Variants in ARHGAP45 observed in about 807,000 individuals in gnomAD.
ARHGAP45 encodes the protein rho GTPase-activating protein 45.
Under a neutral mutation model 116.1 loss-of-function variants are expected in ARHGAP45, and 56 were observed. That is an observed-to-expected ratio of 0.48 (90% CI 0.39 to 0.60). ARHGAP45 has a LOEUF of 0.60. ARHGAP45 is among the 20% of genes least tolerant of loss of function. The probability of loss-of-function intolerance (pLI) is 0.00; values close to 1 mark genes in which losing one functional copy is unlikely to be tolerated. For missense variants in ARHGAP45, 1,622 were observed against 1,601.0 expected, an observed-to-expected ratio of 1.01 and a Z score of -0.22; for synonymous variants, 866 against 701.7, an observed-to-expected ratio of 1.23 and a Z score of -3.70.
At chr19:1,066,028 G>A (rs2043023364), upstream of ARHGAP45, 1 of 1,535,516 alleles carries the variant, frequency 6.5e-7, no homozygotes, top group Non-Finnish European at 8.7e-7. Flanking sequence ...TCAGCGCCAT[G>A]AGTCGGGGGC....
Position 1,079,559 on chromosome 19 carries a change from G to C in ARHGAP45, c.1375-144G>C, listed in dbSNP as rs1275228141. On this transcript the variant is annotated intron_variant, in intron 11 of 22. Coordinates refer to ENST00000313093, the MANE Select transcript of ARHGAP45 (RefSeq NM_012292.5). Reference sequence around the variant, plus strand: ...TCACCATGTTGCTCAGGCTGGTCTCGAACTCCTGGCCTCAAGCAAGTCTCC... The same window carrying C: ...TCACCATGTTGCTCAGGCTGGTCTCCAACTCCTGGCCTCAAGCAAGTCTCC... 3 of 929,874 alleles carry C rather than the reference G, an allele frequency of 3.2e-6. 1 individual carries two copies. Among genetic ancestry groups the C allele is most frequent in the Admixed American group, 5.1e-5 (2 of 38,962 alleles). 57.6% of individuals were successfully genotyped at this position (929,874 alleles called of 1,614,324 possible).
Position 1,081,666 on chromosome 19 carries a change from C to G in ARHGAP45, c.2307C>G (p.Ser769Arg). 2.5e-6 allele frequency: 4 copies of G among 1,582,830 alleles called. No individual in the cohort carries two copies. Among genetic ancestry groups the G allele is most frequent in the South Asian group, 1.1e-5 (1 of 87,514 alleles). ...FGQDFSHAAR[S>R]APDGVPFIVK... ...AGGACTTCAGCCACGCGGCCCGCAG[C>G]GCCCCCGACGGCGTGCCCTTCATCG... Residue 769 changes from serine to arginine, a missense_variant, in exon 18 of 23, where the codon AGC becomes AGG. Coordinates refer to ENST00000313093, the MANE Select transcript of ARHGAP45 (RefSeq NM_012292.5).
Position 1,083,186 on chromosome 19 carries a change from C to A in ARHGAP45, c.2788C>A (p.Leu930Met). Reference protein sequence around the residue: ...EQDNKMTPGNLGIVFGPTLLR... With the variant: ...EQDNKMTPGNMGIVFGPTLLR... ...GGACAACAAGATGACCCCCGGGAAC[C>A]TGGGCATCGTGTTCGGGCCCACGCT... is the stretch of plus-strand genomic sequence containing the variant. Residue 930 changes from leucine to methionine, a missense_variant, in exon 21 of 23, where the codon CTG (leucine) becomes ATG (methionine). This residue lies in a region of ARHGAP45 where 1,334 missense variants were observed against 1,263.8 expected (regional missense o/e 1.06). Coordinates refer to ENST00000313093, the MANE Select transcript of ARHGAP45 (RefSeq NM_012292.5). 6.2e-7 allele frequency: 1 copy of A among 1,611,340 alleles called. No homozygotes were observed. Among genetic ancestry groups the A allele is most frequent in the Non-Finnish European group, 8.5e-7 (1 of 1,179,526 alleles).
intron 10 of ARHGAP45, among the ~76,000 whole-genome samples, chr19:1,075,714 A>G (rs1438936791): frequency 6.6e-6 from 1 of 152,148 alleles, no homozygotes; most frequent in Non-Finnish European, 1.5e-5. Context: ...CTTGGGCTGC[A>G]ATGATCCTCC....
intron 22 of ARHGAP45, 65 bp from the exon 23 acceptor site, chr19:1,085,572 TCTCCCCATCTCTCCTGTCTGTCC>T (rs1417002803): frequency 2.5e-6 from 2 of 799,554 alleles, no homozygotes; most frequent in Middle Eastern, 2.7e-4. Context: ...CTCTCCTGTC[TCTCCCCATCTCTCCTGTCTGTCC>T]CTCCCCTTGT....
rs1260183859 is a variant in ARHGAP45, at chr19:1,068,770, C to G, written c.421+26C>G. On this transcript the variant is annotated intron_variant, in intron 2 of 22. Coordinates refer to ENST00000313093, the MANE Select transcript of ARHGAP45 (RefSeq NM_012292.5). This position sits in a 1 kb window ranked among gnomAD's most constrained non-coding sequence, Gnocchi z 7.5. ...GTGAGAGCCACGGGGACACCGAGGC[C>G]TGGGTGGAAGACAGAGCCAGACCCA... The G allele has an allele frequency of 1.3e-6, 2 of 1,599,370 alleles. No individual in the cohort carries two copies. The highest frequency in any genetic ancestry group is 1.3e-5 in the African/African-American group (1 of 74,576).
rs1276033542 is a variant in ARHGAP45, at chr19:1,067,317, G to A, written c.-89G>A. 2.1e-6 allele frequency: 3 copies of A among 1,433,058 alleles called. No individual in the cohort carries two copies. The highest frequency in any genetic ancestry group is 2.7e-6 in the Non-Finnish European group (3 of 1,094,800). 88.8% of individuals were successfully genotyped at this position (1,433,058 alleles called of 1,614,324 possible). On this transcript the variant is annotated 5_prime_UTR_variant, in exon 1 of 23. Coordinates refer to ENST00000313093, the MANE Select transcript of ARHGAP45 (RefSeq NM_012292.5). Reference sequence around the variant, plus strand: ...GACAGCTGGGGAGGGGGTGGCCGGCGACAATGTGGTCCCGAAGCGGCCAGC... The same window carrying A: ...GACAGCTGGGGAGGGGGTGGCCGGCAACAATGTGGTCCCGAAGCGGCCAGC...
chr19:1,070,828 G>C (rs1198607665), intron 2 of ARHGAP45, among the ~76,000 whole-genome samples: 1 of 152,054 alleles, frequency 6.6e-6, no homozygotes, highest in Non-Finnish European at 1.5e-5. Context: ...GGCCAGAGAA[G>C]ACCCTGGCGG....
chr19:1,080,871 GGCTGCCTGT>G lies in ARHGAP45; in HGVS notation c.2018-14_2018-6del, dbSNP rs767700085. The G allele has an allele frequency of 6.2e-6, 10 of 1,605,330 alleles. No individual in the cohort carries two copies. In the Admixed American group the frequency reaches 1.7e-4, roughly 27 times the overall value. ...GGCCCTGAGCTGCCTTGGTGACACC[GGCTGCCTGT>G]GCTGCCCGCAGCTGACCTCAACGGC... On this transcript the variant is annotated splice_polypyrimidine_tract_variant and intron_variant, in intron 16 of 22. Coordinates refer to ENST00000313093, the MANE Select transcript of ARHGAP45 (RefSeq NM_012292.5).
rs2043372029 is a variant in ARHGAP45, at chr19:1,079,742, G to T, written c.1414G>T (p.Asp472Tyr). The T allele has an allele frequency of 6.2e-7, 1 of 1,612,460 alleles. No individual in the cohort carries two copies. The change falls in exon 12 of 23, where the codon GAC becomes TAC. Residue 472 changes from aspartate to tyrosine, a missense_variant. Coordinates refer to ENST00000313093, the MANE Select transcript of ARHGAP45 (RefSeq NM_012292.5). ...GGCCACCTACCGCACCTGCGTGGCC[G>T]ACGCGAAGACGCAGAAGCAGGAGCT... is the stretch of plus-strand genomic sequence containing the variant. ...AMATYRTCVA[D>Y]AKTQKQELED...
chr19:1,084,941 G>A (rs1455361012), intron 22 of ARHGAP45, among the ~76,000 whole-genome samples: 1 of 152,162 alleles, frequency 6.6e-6, no homozygotes, highest in Non-Finnish European at 1.5e-5. Context: ...AATTAGACAG[G>A]TGTGGTGGAG....
intron 2 of ARHGAP45, among the ~76,000 whole-genome samples, chr19:1,072,921 A>G (rs1394132002): frequency 6.6e-6 from 1 of 152,164 alleles, no homozygotes; most frequent in East Asian, 1.9e-4. Flanking sequence ...GAGTGTTCTG[A>G]GCAGCAGAGT....
rs760792011 is a variant in ARHGAP45 at position 1,071,017 on chromosome 19, T to C, written c.422-2132T>C. 3.9e-5 allele frequency among the ~76,000 whole-genome samples: 6 copies of C among 152,210 alleles called. No homozygotes were observed. The highest frequency in any genetic ancestry group is 7.4e-5 in the Non-Finnish European group (5 of 68,018). ...TCAGGCAGCTAGGAGGGGACCCACA[T>C]GGACGGTGCCACCCCGACACTTCCC... is the stretch of plus-strand genomic sequence containing the variant. On this transcript the variant is annotated intron_variant, in intron 2 of 22. Coordinates refer to ENST00000313093, the MANE Select transcript of ARHGAP45 (RefSeq NM_012292.5). This position sits in a 1 kb window ranked among gnomAD's most constrained non-coding sequence, Gnocchi z 4.6.
rs566587577 is a variant in ARHGAP45, at chr19:1,081,556, C to T, written c.2197C>T (p.Leu733=). Reference sequence around the variant, plus strand: ...TCACTCTGGCCGCCCCCAGTGCTGCCTGGCCTGCCACAAGAAATGTCTGGA... The same window carrying T: ...TCACTCTGGCCGCCCCCAGTGCTGCTTGGCCTGCCACAAGAAATGTCTGGA... ...FQGAECEECC[L]ACHKKCLETL... Residue 733 remains leucine (L), a synonymous_variant, in exon 18 of 23, where the codon CTG becomes TTG. Transcript: ENST00000313093. The T allele has an allele frequency of 2.7e-5, 40 of 1,474,188 alleles. No individual in the cohort carries two copies. The Admixed American group carries it at 7.6e-4, about 28-fold the overall frequency. The allele number at this position is 1,474,188 out of a possible 1,614,324, so 91.3% of individuals were successfully genotyped here. A position where few individuals can be genotyped will look rare whatever the true frequency, so the allele number is the denominator to read the frequency against.
chr19:1,069,072 G>C lies in ARHGAP45; in HGVS notation c.421+328G>C, dbSNP rs191561472. ...ATGCATTTGGGGGCCAAGGTGTGGG[G>C]TGCCGCTGGTGTAGGATGAAGGCAT... On this transcript the variant is annotated intron_variant, in intron 2 of 22. Transcript: ENST00000313093. This position sits in a 1 kb window ranked among gnomAD's most constrained non-coding sequence, Gnocchi z 4.1. Among the ~76,000 whole-genome samples, 2 of 152,280 alleles carry C rather than the reference G, an allele frequency of 1.3e-5. No homozygotes were observed. Among genetic ancestry groups the C allele is most frequent in the East Asian group, 3.9e-4 (2 of 5,182 alleles).
At chr19:1,077,760 G>A in intron 10 of ARHGAP45, 97 bp from the exon 11 acceptor site, 1 of 1,541,018 alleles carries the variant, frequency 6.5e-7, no homozygotes. Flanking sequence ...GGGCCTTGCT[G>A]AGAGAGATGG....
chr19:1,067,730 G>A (rs2043065472), intron 1 of ARHGAP45: 3 of 685,550 alleles, frequency 4.4e-6, no homozygotes, highest in African/African-American at 3.5e-5. Flanking sequence ...GGCTGGCCGC[G>A]GGGCCCAGGG....
intron 10 of ARHGAP45, chr19:1,077,608 A>C: frequency 7.4e-7 from 1 of 1,349,060 alleles, no homozygotes; most frequent in Non-Finnish European, 9.7e-7. Flanking sequence ...CTGGTCTCAA[A>C]CTCCTGACCT....
rs750713207 is a variant in ARHGAP45 at position 1,074,886 on chromosome 19, C to CGGGCGGGCGG, written c.1185+26_1185+35dup. On this transcript the variant is annotated splice_region_variant and intron_variant, in intron 10 of 22. Coordinates refer to ENST00000313093, the MANE Select transcript of ARHGAP45 (RefSeq NM_012292.5). ...CCGTGCCCAGAGGAAGCTGGTGAGGCGGGCGGGCGGGGGCGGGCGGGGGCG... is the reference window on the plus strand; with the variant it reads ...CCGTGCCCAGAGGAAGCTGGTGAGGCGGGCGGGCGGGGGCGGGCGGGGGCGGGCGGGGGCG... 0.068 allele frequency: 7,061 copies of CGGGCGGGCGG among 103,096 alleles called. 162 individuals are homozygous for CGGGCGGGCGG. The highest frequency in any genetic ancestry group is 0.1 in the Non-Finnish European group (4,933 of 47,674). 6.4% of individuals were successfully genotyped at this position (103,096 alleles called of 1,614,324 possible). A position where few individuals can be genotyped will look rare whatever the true frequency, so the allele number is the denominator to read the frequency against.
Sources: gnomAD v4.1 joint callset for allele counts (sites outside exome capture counted in the v4.1 genomes callset) on GRCh38, gnomAD v4.1.1 for gene constraint, gnomAD v4.1.1 regional missense constraint, Gnocchi (gnomAD v3.1) non-coding constraint, MANE v1.5 for transcripts, NCBI Gene and HGNC (gene_info 2026-07-23, HGNC 2026-07-21) for gene names.